COA1: variants seen among roughly 807,000 people sequenced by gnomAD.
COA1 encodes the protein cytochrome c oxidase assembly factor 1.
Under a neutral mutation model 16.0 loss-of-function variants are expected in COA1, and 13 were observed. That is an observed-to-expected ratio of 0.81 (90% CI 0.53 to 1.29). The LOEUF (loss-of-function observed/expected upper bound fraction) is 1.29. COA1 is among the 50% of genes most tolerant of loss of function. The pLI, the probability that COA1 is intolerant of heterozygous loss-of-function variation, is 0.00. For synonymous variants in COA1, 65 were observed against 65.7 expected (o/e 0.99, Z 0.05); for missense variants, 179 against 177.0 (o/e 1.01, Z -0.06).
At chr7:43,722,781 C>A (rs2095536514) in intron 1 of COA1, among the ~76,000 whole-genome samples, 1 of 152,200 alleles carries the variant, frequency 6.6e-6, no homozygotes, top group Non-Finnish European at 1.5e-5. Flanking sequence ...TGCTTGGCAT[C>A]TATGTAATCT....
At chr7:43,704,092 A>T (rs1369426861) in intron 1 of COA1, among the ~76,000 whole-genome samples, 1 of 152,216 alleles carries the variant, frequency 6.6e-6, no homozygotes, top group Non-Finnish European at 1.5e-5. Context: ...GTTTGGCCAG[A>T]CATAAAATTC....
intron 1 of COA1, among the ~76,000 whole-genome samples, chr7:43,659,879 T>C (rs1315966414): frequency 6.6e-6 from 1 of 152,190 alleles, no homozygotes; most frequent in Non-Finnish European, 1.5e-5. Flanking sequence ...AAAAAGGTCT[T>C]TAAAGAGGTA....
chr7:43,610,374 CT>C, intron 6 of COA1, among the ~76,000 whole-genome samples: 1 of 124,182 alleles, frequency 8.1e-6, no homozygotes, highest in East Asian at 2.5e-4. Flanking sequence ...AAAAAAAAGA[CT>C]TGCTATATGG....
At chr7:43,714,453 C>G (rs1376661910) in intron 1 of COA1, among the ~76,000 whole-genome samples, 1 of 148,196 alleles carries the variant, frequency 6.7e-6, no homozygotes, top group Non-Finnish European at 1.5e-5. Context: ...CATGGTGAAA[C>G]CCCATCTCTA....
rs1171495259 is a variant in COA1, at chr7:43,648,793, T to C, written c.-38-141A>G. 4.8e-6 allele frequency: 3 copies of C among 623,596 alleles called. No homozygotes were observed. The African/African-American group carries it at 5.5e-5, about 11-fold the overall frequency. The allele number at this position is 623,596 out of a possible 1,614,324, so 38.6% of individuals were successfully genotyped here. A position where few individuals can be genotyped will look rare whatever the true frequency, so the allele number is the denominator to read the frequency against. ...AAATTAAACTCTAAAACAAGCCTTG[T>C]CTGTGAAAGGCCCTGGTTTTTCCCC... On this transcript the variant is annotated intron_variant, in intron 1 of 5. Coordinates refer to ENST00000223336, the MANE Select transcript of COA1 (RefSeq NM_018224.4).
chr7:43,682,352 T>A (rs909922739), intron 1 of COA1, among the ~76,000 whole-genome samples: 2 of 152,224 alleles, frequency 1.3e-5, no homozygotes, highest in Non-Finnish European at 2.9e-5. Context: ...CATATTTTAA[T>A]GAGAAACTGG....
At chr7:43,614,755 G>C (rs2083193281) in intron 6 of COA1, among the ~76,000 whole-genome samples, 1 of 152,154 alleles carries the variant, frequency 6.6e-6, no homozygotes, top group African/African-American at 2.4e-5. Context: ...TCACATTGGT[G>C]TATCATAGAT....
intron 3 of COA1, 100 bp from the exon 4 acceptor site, chr7:43,645,499 C>G: frequency 9.4e-7 from 1 of 1,067,054 alleles, no homozygotes. Context: ...AGGGTAGAAA[C>G]AGAAACGTGA....
intron 1 of COA1, among the ~76,000 whole-genome samples, chr7:43,691,825 T>C (rs958847869): frequency 6.6e-6 from 1 of 152,214 alleles, no homozygotes; most frequent in Non-Finnish European, 1.5e-5. Flanking sequence ...GTAGCAGACC[T>C]GCTGACTGTG....
chr7:43,660,872 CA>C (rs2092352742), intron 1 of COA1, among the ~76,000 whole-genome samples: 1 of 152,178 alleles, frequency 6.6e-6, no homozygotes, highest in Non-Finnish European at 1.5e-5. Flanking sequence ...TCCCATTCTT[CA>C]ATGGCTCCCC....
intron 1 of COA1, among the ~76,000 whole-genome samples, chr7:43,660,386 C>T (rs1584590378): frequency 6.6e-6 from 1 of 152,144 alleles, no homozygotes; most frequent in Non-Finnish European, 1.5e-5. Flanking sequence ...GTGAACGGAA[C>T]CAACCCAGGT....
intron 1 of COA1, among the ~76,000 whole-genome samples, chr7:43,693,713 A>G (rs1385689533): frequency 2.6e-5 from 4 of 152,046 alleles, no homozygotes; most frequent in African/African-American, 9.7e-5. Context: ...CCTCCTTCGA[A>G]TATACCCTCA....
downstream of COA1, among the ~76,000 whole-genome samples, chr7:43,638,174 A>T (rs936884023): frequency 1.1e-4 from 17 of 152,122 alleles, no homozygotes; most frequent in African/African-American, 4.1e-4. Context: ...CAGAATAGAG[A>T]TAACTTGTAA....
chr7:43,669,998 T>C (rs925588091), intron 1 of COA1, among the ~76,000 whole-genome samples: 6 of 152,116 alleles, frequency 3.9e-5, no homozygotes, highest in African/African-American at 1.4e-4. Context: ...AAATCTGGGC[T>C]GAAGCAGGGA....
chr7:43,644,751 T>TAGATAGAC (rs2088461559), intron 4 of COA1, among the ~76,000 whole-genome samples: 1 of 117,458 alleles, frequency 8.5e-6, no homozygotes, highest in Non-Finnish European at 1.7e-5. Context: ...GATAGATAGA[T>TAGATAGAC]AGATAGATAG....
intron 1 of COA1, among the ~76,000 whole-genome samples, chr7:43,710,375 A>AAATATATATATAT (rs761592421): frequency 5.5e-5 from 2 of 36,432 alleles, no homozygotes; most frequent in African/African-American, 2.6e-4. Flanking sequence ...AAAAAAAAAA[A>AAATATATATATAT]ATATATATAT....
intron 1 of COA1, among the ~76,000 whole-genome samples, chr7:43,715,056 A>C (rs1215260053): frequency 2.0e-5 from 3 of 151,410 alleles, no homozygotes; most frequent in Non-Finnish European, 4.4e-5. Flanking sequence ...ACAAAAATAA[A>C]TGCCAAATAA....
chr7:43,628,845 GAGA>G (rs757964429), intron 6 of COA1, among the ~76,000 whole-genome samples: 9 of 152,146 alleles, frequency 5.9e-5, no homozygotes, highest in Admixed American at 3.9e-4. Flanking sequence ...ATCTGTTGAT[GAGA>G]AGAAGGGTTT....
At chr7:43,647,889 C>T in intron 2 of COA1, 2 of 471,782 alleles carry the variant, frequency 4.2e-6, no homozygotes, top group Non-Finnish European at 7.6e-6. Context: ...CCCCAGCCAG[C>T]CCAGCACAGA....
Sources: allele counts gnomAD v4.1 joint callset (sites outside exome capture counted in the v4.1 genomes callset), GRCh38; gene constraint gnomAD v4.1.1; transcripts MANE v1.5; gene names NCBI Gene and HGNC (gene_info 2026-07-23, HGNC 2026-07-21).